ACAP3: variants seen among roughly 807,000 people sequenced by gnomAD.
ACAP3 encodes the protein ArfGAP with coiled-coil, ankyrin repeat and PH domains 3, also known as arf-GAP with coiled-coil, ANK repeat and PH domain-containing protein 3.
A neutral mutation model predicts 104.1 loss-of-function variants in ACAP3; 56 were observed. The ratio of observed to expected loss-of-function variants is 0.54; its 90% confidence interval spans 0.43 to 0.67. The LOEUF (loss-of-function observed/expected upper bound fraction) is 0.67. ACAP3 is among the 30% of genes least tolerant of loss of function. The pLI, the probability that ACAP3 is intolerant of heterozygous loss-of-function variation, is 0.00. For missense variants in ACAP3, 1,208 were observed against 1,174.9 expected (o/e 1.03, Z -0.41); for synonymous variants, 628 against 496.2 (o/e 1.27, Z -3.53).
chr1:1,295,689 C>T (rs760209060), intron 18 of ACAP3, 47 bp downstream of exon 18: 21 of 1,563,594 alleles, frequency 1.3e-5, no homozygotes, highest in South Asian at 6.9e-5. Flanking sequence ...AGTCCATCCC[C>T]GACCAAGGCA....
chr1:1,297,894 T>C lies in ACAP3; in HGVS notation c.1056A>G (p.Gln352=), dbSNP rs1447567179. 6.2e-7 allele frequency: 1 copy of C among 1,612,030 alleles called. No individual in the cohort carries two copies. Among genetic ancestry groups the C allele is most frequent in the South Asian group, 1.1e-5 (1 of 91,066 alleles). The part of the protein sequence containing the change: ...MLQADSEKLR[Q]AWVQAVQASI... ...TGGCCTGCACAGCCTGGACCCAGGC[T>C]TGCCGCAGCTTCTCGGAGTCAGCCT... is the stretch of plus-strand genomic sequence containing the variant. Residue 352 remains glutamine (Q), a synonymous_variant, in exon 14 of 24, where the codon CAA becomes CAG. Coordinates refer to ENST00000354700, the MANE Select transcript of ACAP3 (RefSeq NM_030649.3).
In ACAP3 at chr1:1,296,794, G is replaced by GC. The variant is rs376577103; in HGVS notation, c.1129-162dup. On this transcript the variant is annotated intron_variant, in intron 14 of 23. Coordinates refer to ENST00000354700, the MANE Select transcript of ACAP3 (RefSeq NM_030649.3). ...GCGCACACCCTCACGTGGGCAGATG[G>GC]CCCCCCCCTCGAGCACACGCCCGCA... is the stretch of plus-strand genomic sequence containing the variant. 9.3e-4 allele frequency among the ~76,000 whole-genome samples: 136 copies of GC among 145,976 alleles called. 2 individuals are homozygous for GC. The South Asian group carries it at 0.018, about 19-fold the overall frequency.
At position 1,304,108 on chromosome 1, in the gene ACAP3, T is replaced by C. The variant is rs538140877; in HGVS notation, c.83A>G (p.Glu28Gly). ...TIDEVETDVV[E>G]IEAKLDKLVK... ...CACCTTGTCCAGTTTGGCCTCAATC[T>C]CCACCACGTCCGTCTCCACCTCGTC... is the stretch of plus-strand genomic sequence containing the variant. Residue 28 changes from glutamate (E) to glycine (G), a missense_variant, in exon 2 of 24, where the codon GAG (glutamate) becomes GGG (glycine). Physicochemically the swap from Glu to Gly is moderately conservative, Grantham distance 98. Transcript: ENST00000354700. 6.4e-7 allele frequency: 1 copy of C among 1,550,508 alleles called. No individual in the cohort carries two copies. Among genetic ancestry groups the C allele is most frequent in the Admixed American group, 2.0e-5 (1 of 50,978 alleles).
chr1:1,303,159 C>A lies in ACAP3; in HGVS notation c.225+3G>T. On this transcript the variant is annotated splice_donor_region_variant and intron_variant, in intron 3 of 23. Coordinates refer to ENST00000354700, the MANE Select transcript of ACAP3 (RefSeq NM_030649.3). This position sits in a 1 kb window ranked among gnomAD's most constrained non-coding sequence, Gnocchi z 4.0. ...TGAGGTCAGAGGTCAGTCGGCCCCT[C>A]ACCGAGATGACGGTGTCGCCCTGGC... 2 of 1,595,870 alleles carry A rather than the reference C, an allele frequency of 1.3e-6. No individual in the cohort carries two copies. Among genetic ancestry groups the A allele is most frequent in the East Asian group, 4.5e-5 (2 of 43,994 alleles).
intron 9 of ACAP3, 28 bp from the exon 10 acceptor site, chr1:1,299,384 G>C: frequency 6.6e-7 from 1 of 1,507,978 alleles, no homozygotes; most frequent in South Asian, 1.3e-5. Flanking sequence ...GAGGGGGTAG[G>C]GGGAGAAAGC....
chr1:1,296,440 C>G lies in ACAP3; in HGVS notation c.1322G>C (p.Cys441Ser), dbSNP rs1176685076. The change falls in exon 15 of 24, where the codon TGC becomes TCC. Residue 441 changes from cysteine (C) to serine (S), a missense_variant. Transcript: ENST00000354700. ...INLGVLLCIE[C>S]SGIHRSLGVH... is the part of the protein sequence containing the mutation. ...AGGGGCCCACCTGTGGATGCCGGAG[C>G]ACTCAATGCAGAGCAGCACGCCCAG... The G allele has an allele frequency of 6.5e-7, 1 of 1,546,366 alleles. No individual in the cohort carries two copies.
At chr1:1,300,369 C>A in intron 6 of ACAP3, 140 bp downstream of exon 6, 1 of 1,229,048 alleles carries the variant, frequency 8.1e-7, no homozygotes. Context: ...TGGACTGCTT[C>A]CCCATGTCTG....
rs1225783530 is a variant in ACAP3, at chr1:1,303,713, TC to T, written c.105+372del. The T allele has an allele frequency of 5.2e-6, 2 of 384,244 alleles. No homozygotes were observed. Among genetic ancestry groups the T allele is most frequent in the Admixed American group, 4.3e-5 (1 of 23,008 alleles). 23.8% of individuals were successfully genotyped at this position (384,244 alleles called of 1,614,324 possible). Reference sequence around the variant, plus strand: ...CCCATGTGGGGCTCATGGACACGGCTCCCCCCTCCACGGCCTGTTGCCCCCT... The same window carrying T: ...CCCATGTGGGGCTCATGGACACGGCTCCCCCTCCACGGCCTGTTGCCCCCT... On this transcript the variant is annotated intron_variant, in intron 2 of 23. Transcript: ENST00000354700. This position sits in a 1 kb window ranked among gnomAD's most constrained non-coding sequence, Gnocchi z 4.0.
chr1:1,303,190 T>G lies in ACAP3; in HGVS notation c.197A>C (p.Gln66Pro). The G allele has an allele frequency of 6.2e-7, 1 of 1,605,566 alleles. No homozygotes were observed. The highest frequency in any genetic ancestry group is 8.5e-7 in the Non-Finnish European group (1 of 1,177,232). The change falls in exon 3 of 24, where the codon CAG becomes CCG. Residue 66 changes from glutamine (Q) to proline (P), a missense_variant. Gln to Pro is a moderately conservative substitution (Grantham distance 76). Coordinates refer to ENST00000354700, the MANE Select transcript of ACAP3 (RefSeq NM_030649.3). The surrounding 1 kb of genome is among the most constrained non-coding windows in gnomAD (Gnocchi z 4.0). ...LFVSGVRDLSQQCQGDTVISE... is the reference protein window; with the variant it reads ...LFVSGVRDLSPQCQGDTVISE... ...GATGACGGTGTCGCCCTGGCACTGC[T>G]GGGACAGGTCGCGGACGCCGCTCAC...
chr1:1,302,954 C>T lies in ACAP3; in HGVS notation c.247G>A (p.Asp83Asn), dbSNP rs1398008806. 1 of 1,611,600 alleles carries T rather than the reference C, an allele frequency of 6.2e-7. No individual in the cohort carries two copies. Among genetic ancestry groups the T allele is most frequent in the East Asian group, 2.2e-5 (1 of 44,840 alleles). Reference protein sequence around the residue: ...VISECLQRFADSLQEVVNYHM... With the variant: ...VISECLQRFANSLQEVVNYHM... ...TAGTTCACCACCTCCTGTAGGCTGT[C>T]AGCGAACCTCTGCAGACATTCCTGG... Residue 83 changes from aspartate (D) to asparagine (N), a missense_variant, in exon 4 of 24, where the codon GAC (aspartate) becomes AAC (asparagine). Asp to Asn is a conservative substitution (Grantham distance 23). Transcript: ENST00000354700.
intron 4 of ACAP3, among the ~76,000 whole-genome samples, chr1:1,302,505 C>T (rs1641486808): frequency 6.6e-6 from 1 of 152,198 alleles, no homozygotes; most frequent in South Asian, 2.1e-4. Context: ...GCCATCCTGC[C>T]TTGTCTACTT....
At position 1,294,392 on chromosome 1, in the gene ACAP3, G is replaced by A. The variant is rs1402687771; in HGVS notation, c.2139+10C>T. ...CTGTGTCCTGCGCGCAGCCCCCGTG[G>A]CTCGCTCACCCCTAGCACGGCCTGC... On this transcript the variant is annotated intron_variant, in intron 21 of 23. Transcript: ENST00000354700. The A allele has an allele frequency of 8.3e-6, 13 of 1,567,128 alleles. No individual in the cohort carries two copies. The highest frequency in any genetic ancestry group is 1.0e-5 in the Non-Finnish European group (12 of 1,160,564).
chr1:1,296,302 G>A (rs967183070), intron 15 of ACAP3, 22 bp from the exon 16 acceptor site: 22 of 1,551,944 alleles, frequency 1.4e-5, no homozygotes, highest in Middle Eastern at 1.7e-4. Flanking sequence ...AGGTAGGGAT[G>A]AGTCTGGGGG....
At chr1:1,305,133 T>C (rs1641635288) in intron 1 of ACAP3, 1 of 152,408 alleles carries the variant, frequency 6.6e-6, no homozygotes, top group South Asian at 2.1e-4. Flanking sequence ...GTGTCCTCAA[T>C]TAGGAGCTGG....
chr1:1,301,741 G>T, intron 5 of ACAP3: 1 of 359,922 alleles, frequency 2.8e-6, no homozygotes, highest in East Asian at 4.3e-5. Flanking sequence ...CCAGACTCCA[G>T]ACCCCCAAAC....
At chr1:1,299,385 G>A (rs946695741) in intron 9 of ACAP3, 29 bp from the exon 10 acceptor site, 9 of 1,531,496 alleles carry the variant, frequency 5.9e-6, no homozygotes, top group South Asian at 1.2e-5. Flanking sequence ...AGGGGGTAGG[G>A]GGAGAAAGCC....
Position 1,303,921 on chromosome 1 carries a change from C to A in ACAP3, c.105+165G>T. On this transcript the variant is annotated intron_variant, in intron 2 of 23. Coordinates refer to ENST00000354700, the MANE Select transcript of ACAP3 (RefSeq NM_030649.3). The surrounding 1 kb of genome is among the most constrained non-coding windows in gnomAD (Gnocchi z 4.0). ...CACATGTGTGCATGTGACATGTGCA[C>A]CCTGGAACACACATGCTAAGACACA... 1 of 817,568 alleles carries A rather than the reference C, an allele frequency of 1.2e-6. No homozygotes were observed. The highest frequency in any genetic ancestry group is 1.9e-6 in the Non-Finnish European group (1 of 517,750). The allele number at this position is 817,568 out of a possible 1,614,324, so 50.6% of individuals were successfully genotyped here. A position where few individuals can be genotyped will look rare whatever the true frequency, so the allele number is the denominator to read the frequency against.
chr1:1,301,296 G>A (rs1388973804), intron 5 of ACAP3, among the ~76,000 whole-genome samples: 2 of 129,606 alleles, frequency 1.5e-5, no homozygotes, highest in Admixed American at 1.8e-4. Context: ...GTCTCTCTCT[G>A]TCACCCAGGC....
chr1:1,307,059 C>A (rs567355702), intron 1 of ACAP3: 1 of 738,630 alleles, frequency 1.4e-6, no homozygotes, highest in African/African-American at 1.8e-5. Flanking sequence ...GGGGGCCTCA[C>A]GCAGGTGCGC....
Sources: gnomAD v4.1 joint callset for allele counts (sites outside exome capture counted in the v4.1 genomes callset) on GRCh38, gnomAD v4.1.1 for gene constraint, Gnocchi (gnomAD v3.1) non-coding constraint, MANE v1.5 for transcripts, NCBI Gene and HGNC (gene_info 2026-07-23, HGNC 2026-07-21) for gene names.